The following LDLRAD4 variants were observed in gnomAD, a reference collection of about 807,000 sequenced individuals.
The protein encoded by LDLRAD4 is low density lipoprotein receptor class A domain containing 4, also known as low-density lipoprotein receptor class A domain-containing protein 4.
In LDLRAD4, 5 loss-of-function variants were observed where a neutral mutation model predicts 17.0. That is an observed-to-expected ratio of 0.29 (90% CI 0.15 to 0.62). The LOEUF (loss-of-function observed/expected upper bound fraction) is 0.62. LDLRAD4 is among the 20% of genes least tolerant of loss of function. LDLRAD4 has a pLI of 0.84. For missense variants in LDLRAD4, 340 were observed against 424.7 expected (o/e 0.80, Z 1.75); for synonymous variants, 168 against 171.8 (o/e 0.98, Z 0.17).
intron 3 of LDLRAD4, among the ~76,000 whole-genome samples, chr18:13,609,080 A>T (rs539984844): frequency 1.3e-5 from 2 of 152,228 alleles, no homozygotes; most frequent in Non-Finnish European, 2.9e-5. Context: ...GAAAGATGCG[A>T]TGTAAAGATG....
At chr18:13,356,354 A>G (rs1020764777) in intron 1 of LDLRAD4, among the ~76,000 whole-genome samples, 1 of 152,228 alleles carries the variant, frequency 6.6e-6, no homozygotes, top group Non-Finnish European at 1.5e-5. Flanking sequence ...CCAAGTGTGC[A>G]AAGGACCCGG....
intron 3 of LDLRAD4, among the ~76,000 whole-genome samples, chr18:13,462,827 A>G (rs2092476915): frequency 1.3e-5 from 2 of 152,166 alleles, no homozygotes; most frequent in Non-Finnish European, 2.9e-5. Context: ...ACAACAATGT[A>G]GCCAGAGAGG....
chr18:13,271,893 C>CTTTTT lies in LDLRAD4; in HGVS notation c.-466-6192_-466-6188dup, dbSNP rs753254188. On this transcript the variant is annotated intron_variant, in intron 1 of 5. Coordinates refer to the LDLRAD4 transcript ENST00000399848. ...TTCCACCCCACCCTCCTGTTCAGTG[C>CTTTTT]TTTTTTTTTTTTTTTTTTTTTTTTA... 3.8e-3 allele frequency among the ~76,000 whole-genome samples: 304 copies of CTTTTT among 79,016 alleles called. 18 individuals are homozygous for CTTTTT. Among genetic ancestry groups the CTTTTT allele is most frequent in the African/African-American group, 0.014 (263 of 18,736 alleles). 51.8% of individuals were successfully genotyped at this position (79,016 alleles called of 152,430 possible).
intron 3 of LDLRAD4, among the ~76,000 whole-genome samples, chr18:13,505,993 CCCT>C (rs2093686676): frequency 1.3e-5 from 2 of 152,130 alleles, no homozygotes; most frequent in African/African-American, 4.8e-5. Flanking sequence ...CTGTCACACT[CCCT>C]CCTCAGTGTG....
At chr18:13,243,848 TACTC>T (rs1373580170) in intron 1 of LDLRAD4, among the ~76,000 whole-genome samples, 7 of 142,532 alleles carry the variant, frequency 4.9e-5, no homozygotes, top group African/African-American at 1.6e-4. Context: ...ATCCACCATG[TACTC>T]ACTCACCCAC....
chr18:13,436,000 T>TA, intron 2 of LDLRAD4, among the ~76,000 whole-genome samples: 1 of 152,242 alleles, frequency 6.6e-6, no homozygotes, highest in Non-Finnish European at 1.5e-5. Flanking sequence ...GGAAGAATAA[T>TA]ATCTGCTCTA....
intron 3 of LDLRAD4, among the ~76,000 whole-genome samples, chr18:13,586,571 A>C (rs1164051850): frequency 2.0e-4 from 31 of 152,032 alleles, no homozygotes; most frequent in African/African-American, 7.0e-4. Context: ...ATCCATATAT[A>C]CAAGGATCTC....
chr18:13,407,786 C>T (rs913653343), intron 2 of LDLRAD4, among the ~76,000 whole-genome samples: 5 of 152,200 alleles, frequency 3.3e-5, no homozygotes, highest in Admixed American at 6.5e-5. Flanking sequence ...CTCACCATTG[C>T]TTTTAATGAC....
rs1156357114 is a variant in LDLRAD4 at position 13,485,844 on chromosome 18, A to T, written c.181+47460A>T. Among the ~76,000 whole-genome samples the T allele has an allele frequency of 2.0e-5, 3 of 152,022 alleles. No homozygotes were observed. The South Asian group carries it at 6.2e-4, about 32-fold the overall frequency. ...CAGTGAGCCATGATCACGCCACCAC[A>T]CTCCAGCCTGGGCGACAGAGCAAGA... On this transcript the variant is annotated intron_variant, in intron 3 of 5. Coordinates refer to ENST00000359446, the Ensembl canonical transcript of LDLRAD4.
chr18:13,268,777 A>G (rs1208811899), intron 1 of LDLRAD4, among the ~76,000 whole-genome samples: 1 of 152,230 alleles, frequency 6.6e-6, no homozygotes, highest in African/African-American at 2.4e-5. Context: ...TAAAATAACT[A>G]AACTTTGGCT....
chr18:13,642,840 C>T, intron 4 of LDLRAD4: 1 of 816,266 alleles, frequency 1.2e-6, no homozygotes, highest in Non-Finnish European at 1.6e-6. Flanking sequence ...GTTCACAGCC[C>T]TCCATGTAGA....
exon 6 of LDLRAD4, chr18:13,646,938 G>T (rs1004017720): frequency 2.0e-5 from 3 of 152,238 alleles, no homozygotes; most frequent in African/African-American, 7.2e-5. Context: ...GAAGCCCCTA[G>T]AAATAATGAC....
At chr18:13,368,683 G>A (rs2084247309) in intron 1 of LDLRAD4, among the ~76,000 whole-genome samples, 1 of 152,184 alleles carries the variant, frequency 6.6e-6, no homozygotes, top group Non-Finnish European at 1.5e-5. Flanking sequence ...TGGGTTTGGG[G>A]GACCAGGTTG....
At chr18:13,483,872 G>T (rs1452297094) in intron 3 of LDLRAD4, among the ~76,000 whole-genome samples, 1 of 152,070 alleles carries the variant, frequency 6.6e-6, no homozygotes, top group African/African-American at 2.4e-5. Flanking sequence ...TCCTATGAAG[G>T]TCTCTCTCCT....
chr18:13,436,761 G>A (rs1323464269), intron 2 of LDLRAD4, among the ~76,000 whole-genome samples: 3 of 152,220 alleles, frequency 2.0e-5, no homozygotes, highest in African/African-American at 7.2e-5. Flanking sequence ...CCACCACGTG[G>A]CCCAGCCTCA....
At chr18:13,553,716 A>G (rs1173506136) in intron 3 of LDLRAD4, among the ~76,000 whole-genome samples, 1 of 152,172 alleles carries the variant, frequency 6.6e-6, no homozygotes, top group Non-Finnish European at 1.5e-5. Flanking sequence ...TACTGCTGAT[A>G]ACCGCGTCTG....
In LDLRAD4 at chr18:13,645,199, T is replaced by C; in HGVS notation, c.463T>C (p.Phe155Leu). ...CATCCAGAGGGATCGCTTCAGCCGC[T>C]TCCAGCCCACCTACCCCTATGTGCA... is the stretch of plus-strand genomic sequence containing the variant. Residue 155 changes from phenylalanine to leucine, a missense_variant, in exon 6 of 6, where the codon TTC becomes CTC. Coordinates refer to ENST00000359446, the Ensembl canonical transcript of LDLRAD4. This position sits in a 1 kb window ranked among gnomAD's most constrained non-coding sequence, Gnocchi z 5.7. 1 of 1,614,086 alleles carries C rather than the reference T, an allele frequency of 6.2e-7. No homozygotes were observed. Among genetic ancestry groups the C allele is most frequent in the Non-Finnish European group, 8.5e-7 (1 of 1,180,000 alleles).
intron 2 of LDLRAD4, among the ~76,000 whole-genome samples, chr18:13,393,312 A>AACT (rs1332468660): frequency 6.6e-6 from 1 of 152,280 alleles, no homozygotes; most frequent in African/African-American, 2.4e-5. Flanking sequence ...TTTACTACAG[A>AACT]ACTTTTCAGT....
At chr18:13,285,846 T>C (rs974996751) in intron 1 of LDLRAD4, among the ~76,000 whole-genome samples, 1 of 152,186 alleles carries the variant, frequency 6.6e-6, no homozygotes, top group African/African-American at 2.4e-5. Flanking sequence ...TCTCAAACTT[T>C]TTGTCCCTTT....
Sources: allele counts gnomAD v4.1 joint callset (sites outside exome capture counted in the v4.1 genomes callset), GRCh38; gene constraint gnomAD v4.1.1; non-coding constraint Gnocchi (gnomAD v3.1); transcripts MANE v1.5; gene names NCBI Gene and HGNC (gene_info 2026-07-23, HGNC 2026-07-21).